The following TET2 variants were observed in gnomAD, a reference collection of about 807,000 sequenced individuals.
TET2 encodes the protein methylcytosine dioxygenase TET2.
A neutral mutation model predicts 142.9 loss-of-function variants in TET2; 299 were observed. That is an observed-to-expected ratio of 2.09 (90% CI 1.90 to 2.30). The LOEUF (loss-of-function observed/expected upper bound fraction) is 2.30. Ranked by LOEUF, TET2 falls within the 30% of genes most tolerant of loss-of-function variation. TET2 has a pLI of 0.00. For synonymous variants in TET2, 819 were observed against 849.0 expected (o/e 0.96, Z 0.61); for missense variants, 2,418 against 2,378.0 (o/e 1.02, Z -0.35).
At chr4:105,258,993 A>G (rs1239704732) in intron 6 of TET2, among the ~76,000 whole-genome samples, 1 of 152,206 alleles carries the variant, frequency 6.6e-6, no homozygotes, top group Non-Finnish European at 1.5e-5. Flanking sequence ...AACTACATGC[A>G]GTGATTTGGA....
intron 1 of TET2, among the ~76,000 whole-genome samples, chr4:105,179,179 T>C (rs1182082540): frequency 6.6e-6 from 1 of 152,130 alleles, no homozygotes; most frequent in Non-Finnish European, 1.5e-5. Flanking sequence ...AAGATGAGAT[T>C]TGGGTGGGGA....
Position 105,236,460 on chromosome 4 carries a change from C to T in TET2, c.2518C>T (p.Leu840=). 6.2e-7 allele frequency: 1 copy of T among 1,613,984 alleles called. No individual in the cohort carries two copies. The highest frequency in any genetic ancestry group is 8.5e-7 in the Non-Finnish European group (1 of 1,179,996). ...GGTTTCTTGTTCAAACAATACACACCTAGTTTCAGAGAATAAAGAACAGAC... is the reference window on the plus strand; with the variant it reads ...GGTTTCTTGTTCAAACAATACACACTTAGTTTCAGAGAATAAAGAACAGAC... ...IQVSCSNNTH[L]VSENKEQTTH... is the part of the protein sequence containing the mutation. The change falls in exon 3 of 11, where the codon CTA becomes TTA. Residue 840 remains leucine, a synonymous_variant. Coordinates refer to ENST00000380013, the MANE Select transcript of TET2 (RefSeq NM_001127208.3).
chr4:105,183,107 A>G (rs1184674059), intron 1 of TET2, among the ~76,000 whole-genome samples: 1 of 152,206 alleles, frequency 6.6e-6, no homozygotes, highest in African/African-American at 2.4e-5. Context: ...AAAAGCACTT[A>G]AAGTCTACCA....
At chr4:105,172,997 T>C (rs1294457744) in intron 1 of TET2, among the ~76,000 whole-genome samples, 1 of 152,176 alleles carries the variant, frequency 6.6e-6, no homozygotes, top group Non-Finnish European at 1.5e-5. Flanking sequence ...AGAAAGCAAA[T>C]TAGTTTTATT....
chr4:105,212,570 A>G (rs1727233885), intron 2 of TET2, among the ~76,000 whole-genome samples: 1 of 152,186 alleles, frequency 6.6e-6, no homozygotes, highest in Non-Finnish European at 1.5e-5. Flanking sequence ...GAGAGTCCCA[A>G]AATTTTCAAA....
chr4:105,215,857 C>G (rs1727461257), intron 2 of TET2, among the ~76,000 whole-genome samples: 3 of 152,118 alleles, frequency 2.0e-5, no homozygotes, highest in Non-Finnish European at 2.9e-5. Flanking sequence ...TTTAGCAGAG[C>G]AGTGTAGAAT....
chr4:105,169,429 G>GT (rs1438026828), intron 1 of TET2, among the ~76,000 whole-genome samples: 3 of 151,948 alleles, frequency 2.0e-5, no homozygotes, highest in East Asian at 3.9e-4. Flanking sequence ...AGGATTGTTT[G>GT]TTTTTTTCCT....
Position 105,243,610 on chromosome 4 carries a change from T to C in TET2, c.3635T>C (p.Leu1212Ser), listed in dbSNP as rs1053335141. The C allele has an allele frequency of 1.3e-6, 2 of 1,551,652 alleles. No individual in the cohort carries two copies. Among genetic ancestry groups the C allele is most frequent in the East Asian group, 2.4e-5 (1 of 40,924 alleles). ...RSSSEEKLLC[L>S]VRERAGHTCE... ...AGCAGTGAAGAGAAGCTACTGTGTTTGGTGCGGGAGCGAGCTGGCCACACC... is the reference window on the plus strand; with the variant it reads ...AGCAGTGAAGAGAAGCTACTGTGTTCGGTGCGGGAGCGAGCTGGCCACACC... Residue 1212 changes from leucine (L) to serine (S), a missense_variant, in exon 6 of 11, where the codon TTG becomes TCG. Coordinates refer to ENST00000380013, the MANE Select transcript of TET2 (RefSeq NM_001127208.3).
chr4:105,275,121 GCCCCAGCAGCAGCAGAGA>G lies in TET2; in HGVS notation c.4627_4644del (p.Arg1543_Gln1548del), dbSNP rs771696884. 3.1e-5 allele frequency: 48 copies of G among 1,551,626 alleles called. No individual in the cohort carries two copies. The highest frequency in any genetic ancestry group is 2.2e-4 in the East Asian group (9 of 40,918). On this transcript the variant is annotated inframe_deletion, in exon 11 of 11. Transcript: ENST00000380013. The stretch of plus-strand genomic sequence containing the variant: ...AGCCTCTACAGAAGCAGCCACCACA[GCCCCAGCAGCAGCAGAGA>G]CCCCAGCAGCAGCAGCCACATCACC...
intron 2 of TET2, among the ~76,000 whole-genome samples, chr4:105,221,888 C>T (rs1197299535): frequency 7.3e-5 from 11 of 149,758 alleles, no homozygotes; most frequent in African/African-American, 2.7e-4. Context: ...CAACAGTCCC[C>T]AGAGTGTGAT....
rs570276196 is a variant in TET2, at chr4:105,276,880, T to C, written c.*361T>C. The C allele has an allele frequency of 1.8e-4, 36 of 197,230 alleles. No individual in the cohort carries two copies. The Admixed American group carries it at 1.9e-3, about 10-fold the overall frequency. The allele number at this position is 197,230 out of a possible 1,614,324, so 12.2% of individuals were successfully genotyped here. On this transcript the variant is annotated 3_prime_UTR_variant, in exon 11 of 11. Transcript: ENST00000380013. Reference sequence around the variant, plus strand: ...CAACTCTACACATCTGTGACCACTTTTAATAATATCAAGTTTGCATAGTCA... The same window carrying C: ...CAACTCTACACATCTGTGACCACTTCTAATAATATCAAGTTTGCATAGTCA...
intron 2 of TET2, among the ~76,000 whole-genome samples, chr4:105,229,717 T>C (rs1728394379): frequency 6.6e-6 from 1 of 152,008 alleles, no homozygotes; most frequent in South Asian, 2.1e-4. Context: ...AGCTGCCCCA[T>C]TCCTTTTCCT....
chr4:105,191,156 G>C (rs1297291508), intron 2 of TET2, among the ~76,000 whole-genome samples: 1 of 152,098 alleles, frequency 6.6e-6, no homozygotes, highest in Non-Finnish European at 1.5e-5. Flanking sequence ...TAAGGAGCTG[G>C]GATTACAGGT....
At chr4:105,148,325 T>A (rs1723138036) in intron 1 of TET2, among the ~76,000 whole-genome samples, 1 of 152,220 alleles carries the variant, frequency 6.6e-6, no homozygotes, top group African/African-American at 2.4e-5. Flanking sequence ...GAGAAAAGGC[T>A]TATTTTCCAG....
At chr4:105,166,878 T>C (rs1195091185) in intron 1 of TET2, among the ~76,000 whole-genome samples, 1 of 152,084 alleles carries the variant, frequency 6.6e-6, no homozygotes, top group Non-Finnish European at 1.5e-5. Context: ...TATTAGGATC[T>C]TTATCTTTTC....
intron 6 of TET2, among the ~76,000 whole-genome samples, chr4:105,256,003 G>C (rs1281907580): frequency 6.6e-6 from 1 of 151,880 alleles, no homozygotes; most frequent in Non-Finnish European, 1.5e-5. Context: ...TACAATATAA[G>C]GAAACTTTGT....
In TET2 at chr4:105,237,219, A is replaced by C; in HGVS notation, c.3277A>C (p.Thr1093Pro). The C allele has an allele frequency of 6.2e-7, 1 of 1,614,094 alleles. No homozygotes were observed. The highest frequency in any genetic ancestry group is 8.5e-7 in the Non-Finnish European group (1 of 1,180,010). ...QQTTSSEKTP[T>P]KRTAASVLNN... The stretch of plus-strand genomic sequence containing the variant: ...AACAACTTCTTCAGAAAAGACACCA[A>C]CCAAAAGAACAGCTGCTTCTGTTCT... Residue 1093 changes from threonine (T) to proline (P), a missense_variant, in exon 3 of 11, where the codon ACC becomes CCC. By Grantham distance (38) the Thr-to-Pro change is conservative (BLOSUM62 -1). Transcript: ENST00000380013.
intron 1 of TET2, among the ~76,000 whole-genome samples, chr4:105,153,084 T>C (rs6533180): frequency 0.057 from 8,606 of 152,302 alleles, 414 homozygotes; most frequent in East Asian, 0.19. Context: ...ATCATATATT[T>C]TTAATTGAAA....
At chr4:105,255,224 A>C (rs1279160896) in intron 6 of TET2, among the ~76,000 whole-genome samples, 2 of 152,138 alleles carry the variant, frequency 1.3e-5, no homozygotes, top group Non-Finnish European at 2.9e-5. Context: ...TCGAGTTTTC[A>C]TTTACAACAA....
Sources: gnomAD v4.1 joint callset for allele counts (sites outside exome capture counted in the v4.1 genomes callset) on GRCh38, gnomAD v4.1.1 for gene constraint, MANE v1.5 for transcripts, NCBI Gene and HGNC (gene_info 2026-07-23, HGNC 2026-07-21) for gene names.